The following IL1RAPL2 variants were observed in gnomAD, a reference collection of about 807,000 sequenced individuals.
IL1RAPL2 encodes the protein X-linked interleukin-1 receptor accessory protein-like 2.
IL1RAPL2 carries 3 observed loss-of-function variants against 44.1 expected under a neutral mutation model. The ratio of observed to expected loss-of-function variants is 0.07; its 90% confidence interval spans 0.03 to 0.18. The LOEUF is 0.18. IL1RAPL2 is among the 10% of genes least tolerant of loss of function. IL1RAPL2 has a pLI of 1.00. For missense variants in IL1RAPL2, 391 were observed against 496.4 expected, an observed-to-expected ratio of 0.79 and a Z score of 2.02; for synonymous variants, 181 against 178.8, an observed-to-expected ratio of 1.01 and a Z score of -0.10.
intron 1 of IL1RAPL2, among the ~76,000 whole-genome samples, chrX:104,588,143 A>G (rs1246962221): frequency 9.0e-6 from 1 of 111,226 alleles, no homozygotes; most frequent in Non-Finnish European, 1.9e-5. Context: ...TCATTCAGTA[A>G]TTTTCTAGAT....
chrX:105,738,037 G>A (rs2038464554), intron 7 of IL1RAPL2, among the ~76,000 whole-genome samples: 1 of 111,577 alleles, frequency 9.0e-6, no homozygotes, highest in African/African-American at 3.3e-5. Context: ...TTTAGTATGA[G>A]AGACTCAGAT....
chrX:104,792,283 A>G (rs1412200915), intron 2 of IL1RAPL2, among the ~76,000 whole-genome samples: 1 of 110,694 alleles, frequency 9.0e-6, no homozygotes, highest in African/African-American at 3.3e-5. Context: ...ATATTATGTG[A>G]TTTTTCCCCA....
intron 6 of IL1RAPL2, among the ~76,000 whole-genome samples, chrX:105,671,253 T>C (rs754820027): frequency 3.6e-5 from 4 of 112,541 alleles, no homozygotes; most frequent in Middle Eastern, 9.3e-3. Context: ...GGCTGGTTTT[T>C]ATATTTTTAA....
At chrX:104,938,003 T>A (rs1359167773) in intron 2 of IL1RAPL2, among the ~76,000 whole-genome samples, 1 of 112,405 alleles carries the variant, frequency 8.9e-6, no homozygotes, top group Non-Finnish European at 1.9e-5. Context: ...TTCCATTTGG[T>A]TGTCCAGACA....
At chrX:104,752,895 C>A (rs1356470285) in intron 2 of IL1RAPL2, among the ~76,000 whole-genome samples, 2 of 110,181 alleles carry the variant, frequency 1.8e-5, no homozygotes, top group African/African-American at 6.6e-5. Flanking sequence ...TTCTCCTGCA[C>A]AGACCCCTTG....
intron 1 of IL1RAPL2, among the ~76,000 whole-genome samples, chrX:104,658,636 AAAAG>A (rs1364176841): frequency 6.8e-4 from 77 of 112,786 alleles, no homozygotes; most frequent in African/African-American, 2.4e-3. Flanking sequence ...AAAAAATTGA[AAAAG>A]AAAGTCTAAT....
intron 2 of IL1RAPL2, among the ~76,000 whole-genome samples, chrX:104,778,577 A>G (rs1379755560): frequency 2.8e-5 from 3 of 105,499 alleles, no homozygotes; most frequent in African/African-American, 1.0e-4. Flanking sequence ...ATATATATAT[A>G]TATATAAATA....
At chrX:105,526,858 C>A (rs952222925) in intron 6 of IL1RAPL2, among the ~76,000 whole-genome samples, 1 of 111,008 alleles carries the variant, frequency 9.0e-6, no homozygotes, top group African/African-American at 3.3e-5. Context: ...GCTTTCTGGG[C>A]AGGAGACATG....
intron 5 of IL1RAPL2, among the ~76,000 whole-genome samples, chrX:105,376,624 C>G (rs2035389281): frequency 9.0e-6 from 1 of 111,519 alleles, no homozygotes; most frequent in African/African-American, 3.3e-5. Flanking sequence ...TCTAAAAGAG[C>G]CACTGAGTTC....
At chrX:104,643,457 A>T (rs1375175349) in intron 1 of IL1RAPL2, among the ~76,000 whole-genome samples, 1 of 111,975 alleles carries the variant, frequency 8.9e-6, no homozygotes, top group African/African-American at 3.2e-5. Flanking sequence ...TAGTTTTTTA[A>T]CTTTCTCCCA....
At chrX:104,750,511 G>T (rs1364043520) in intron 2 of IL1RAPL2, among the ~76,000 whole-genome samples, 2 of 110,684 alleles carry the variant, frequency 1.8e-5, no homozygotes, top group East Asian at 5.7e-4. Flanking sequence ...AGTATTGCTG[G>T]CAGGAATAGA....
At chrX:104,936,818 G>A (rs537250417) in intron 2 of IL1RAPL2, among the ~76,000 whole-genome samples, 2 of 110,153 alleles carry the variant, frequency 1.8e-5, no homozygotes, top group East Asian at 5.7e-4. Context: ...GTGTTAGCCA[G>A]AATGGTCTCG....
intron 5 of IL1RAPL2, among the ~76,000 whole-genome samples, chrX:105,437,205 G>T (rs1442284052): frequency 9.1e-6 from 1 of 109,628 alleles, no homozygotes; most frequent in Non-Finnish European, 1.9e-5. Context: ...TACATGTCAG[G>T]TTTCCTTAAA....
At chrX:105,540,861 TGA>T (rs2036721940) in intron 6 of IL1RAPL2, among the ~76,000 whole-genome samples, 1 of 85,246 alleles carries the variant, frequency 1.2e-5, no homozygotes, top group Admixed American at 1.4e-4. Context: ...ATATTATATA[TGA>T]TATATAATAC....
At chrX:104,648,852 C>T (rs1358374947) in intron 1 of IL1RAPL2, among the ~76,000 whole-genome samples, 2 of 111,125 alleles carry the variant, frequency 1.8e-5, no homozygotes, top group Non-Finnish European at 3.8e-5. Context: ...GTATGGAGCC[C>T]AAAGCTGGGG....
chrX:105,660,738 T>C (rs1416231805), intron 6 of IL1RAPL2, among the ~76,000 whole-genome samples: 1 of 111,064 alleles, frequency 9.0e-6, no homozygotes, highest in Non-Finnish European at 1.9e-5. Flanking sequence ...TAAGATATCA[T>C]TTGTGAGACT....
At chrX:105,404,870 A>G (rs2035631292) in intron 5 of IL1RAPL2, among the ~76,000 whole-genome samples, 1 of 112,218 alleles carries the variant, frequency 8.9e-6, no homozygotes, top group East Asian at 2.8e-4. Flanking sequence ...TACTTTCACA[A>G]GATTTTATTT....
chrX:105,128,362 C>T (rs769320703), intron 2 of IL1RAPL2, among the ~76,000 whole-genome samples: 2 of 110,781 alleles, frequency 1.8e-5, no homozygotes, highest in East Asian at 5.7e-4. Context: ...ACTTGCCTTC[C>T]ACTACTTTGA....
At position 104,908,972 on chromosome X, in the gene IL1RAPL2, C is replaced by T. The variant is rs1287990110; in HGVS notation, c.82+249977C>T. Among the ~76,000 whole-genome samples, 8 of 110,756 alleles carry T rather than the reference C, an allele frequency of 7.2e-5. No individual in the cohort carries two copies. In the East Asian group the frequency reaches 2.3e-3, roughly 31 times the overall value. On this transcript the variant is annotated intron_variant, in intron 2 of 10. Coordinates refer to ENST00000372582, the MANE Select transcript of IL1RAPL2 (RefSeq NM_017416.2). ...TTGGTTCCATTCTCCCCGTCACTTT[C>T]AGGTACACCAATCAGACGTAGATTT...
Sources: gnomAD v4.1 joint callset for allele counts (sites outside exome capture counted in the v4.1 genomes callset) on GRCh38, gnomAD v4.1.1 for gene constraint, MANE v1.5 for transcripts, NCBI Gene and HGNC (gene_info 2026-07-23, HGNC 2026-07-21) for gene names.